The following TBL1XR1 variants were observed in gnomAD, a reference collection of about 807,000 sequenced individuals.
The protein encoded by TBL1XR1 is F-box-like/WD repeat-containing protein TBL1XR1.
TBL1XR1 carries 5 observed loss-of-function variants against 66.9 expected under a neutral mutation model. The ratio of observed to expected loss-of-function variants is 0.07; its 90% confidence interval spans 0.04 to 0.16. TBL1XR1 has a LOEUF of 0.16. Ranked by LOEUF, TBL1XR1 falls within the 10% of genes least tolerant of loss-of-function variation. TBL1XR1 has a pLI of 1.00. For synonymous variants in TBL1XR1, 210 were observed against 206.0 expected, an observed-to-expected ratio of 1.02 and a Z score of -0.17; for missense variants, 238 against 623.2, an observed-to-expected ratio of 0.38 and a Z score of 6.58.
chr3:177,146,996 GA>G (rs1342674580), intron 1 of TBL1XR1, among the ~76,000 whole-genome samples: 2 of 150,950 alleles, frequency 1.3e-5, no homozygotes, highest in Non-Finnish European at 2.9e-5. Flanking sequence ...TTCAGATCAT[GA>G]TTTTTTTAGA....
At chr3:177,043,682 TTTA>T (rs1715921052) in intron 10 of TBL1XR1, among the ~76,000 whole-genome samples, 1 of 152,204 alleles carries the variant, frequency 6.6e-6, no homozygotes, top group Non-Finnish European at 1.5e-5. Context: ...ATTTAGGCCA[TTTA>T]CACTTATTTT....
intron 1 of TBL1XR1, among the ~76,000 whole-genome samples, chr3:177,146,959 T>G (rs1730330035): frequency 6.6e-6 from 1 of 152,098 alleles, no homozygotes; most frequent in South Asian, 2.1e-4. Flanking sequence ...TCCCATTTCA[T>G]CACAAAGACC....
chr3:177,046,014 G>C (rs1386268494), intron 10 of TBL1XR1, 115 bp downstream of exon 10: 2 of 798,210 alleles, frequency 2.5e-6, no homozygotes, highest in African/African-American at 1.8e-5. Flanking sequence ...CAAAGGACTA[G>C]TAACAAGACT....
intron 14 of TBL1XR1, among the ~76,000 whole-genome samples, chr3:177,029,151 T>C (rs1288775172): frequency 2.0e-5 from 3 of 150,016 alleles, no homozygotes; most frequent in African/African-American, 7.3e-5. Context: ...AAAGGAAAGA[T>C]CTAGCCGGGC....
At position 177,127,494 on chromosome 3, in the gene TBL1XR1, G is replaced by C. The variant is rs185882310; in HGVS notation, c.-121-28953C>G. On this transcript the variant is annotated intron_variant, in intron 1 of 15. Coordinates refer to ENST00000457928, the MANE Select transcript of TBL1XR1 (RefSeq NM_024665.7). ...TAGCAGGTGCTCAAGAAACACTTTGGATTGCAATCATTGTTGTTACTTGCT... is the reference window on the plus strand; with the variant it reads ...TAGCAGGTGCTCAAGAAACACTTTGCATTGCAATCATTGTTGTTACTTGCT... 3.8e-3 allele frequency among the ~76,000 whole-genome samples: 581 copies of C among 152,098 alleles called. 1 individual carries two copies. Among genetic ancestry groups the C allele is most frequent in the African/African-American group, 0.013 (549 of 41,390 alleles).
At chr3:177,199,475 A>G (rs1038534542), upstream of TBL1XR1, among the ~76,000 whole-genome samples, 5 of 151,340 alleles carry the variant, frequency 3.3e-5, no homozygotes, top group South Asian at 2.1e-4. Context: ...TCAATGAAAC[A>G]TATCTATTGG....
Position 177,050,723 on chromosome 3 carries a change from T to C in TBL1XR1, c.428-113A>G, listed in dbSNP as rs1052199956. On this transcript the variant is annotated intron_variant, in intron 5 of 15. Transcript: ENST00000457928. ...CTTTATCGCACACAGTGTAACATTT[T>C]TCAATTATATCCAGTTAAGCTGAAC... 1.8e-5 allele frequency: 21 copies of C among 1,155,048 alleles called. No individual in the cohort carries two copies. The South Asian group carries it at 1.8e-4, about 10-fold the overall frequency. The allele number at this position is 1,155,048 out of a possible 1,614,324, so 71.5% of individuals were successfully genotyped here.
At chr3:177,170,580 T>C (rs1010761981) in intron 1 of TBL1XR1, among the ~76,000 whole-genome samples, 3 of 151,996 alleles carry the variant, frequency 2.0e-5, no homozygotes, top group Non-Finnish European at 4.4e-5. Flanking sequence ...TAGAATCGGG[T>C]GGGGAGAAAA....
chr3:177,199,894 C>T (rs541585273), upstream of TBL1XR1, among the ~76,000 whole-genome samples: 7 of 152,238 alleles, frequency 4.6e-5, no homozygotes, highest in South Asian at 1.5e-3. Flanking sequence ...AGGCTGGGGA[C>T]TTACAAATCC....
intron 1 of TBL1XR1, among the ~76,000 whole-genome samples, chr3:177,146,589 C>CA (rs78065426): frequency 0.037 from 1,942 of 51,944 alleles, 206 homozygotes; most frequent in Non-Finnish European, 0.049. Flanking sequence ...GACTCCATCT[C>CA]AAAAAAAAAA....
intron 1 of TBL1XR1, among the ~76,000 whole-genome samples, chr3:177,158,903 C>T (rs1048048637): frequency 2.6e-5 from 4 of 152,106 alleles, no homozygotes; most frequent in African/African-American, 9.7e-5. Context: ...AAACATCCAT[C>T]CTGCGGGCCA....
chr3:177,162,361 C>T (rs988017228), intron 1 of TBL1XR1, among the ~76,000 whole-genome samples: 1 of 152,168 alleles, frequency 6.6e-6, no homozygotes, highest in Non-Finnish European at 1.5e-5. Context: ...GAAGAATGGA[C>T]AAGGGAGCCT....
At chr3:177,071,602 T>A (rs370358499) in intron 2 of TBL1XR1, among the ~76,000 whole-genome samples, 5 of 151,366 alleles carry the variant, frequency 3.3e-5, no homozygotes, top group South Asian at 2.1e-4. Context: ...AGTATAGTTT[T>A]AAAAAAAAAC....
At chr3:177,139,050 T>A (rs1191362019) in intron 1 of TBL1XR1, among the ~76,000 whole-genome samples, 2 of 152,052 alleles carry the variant, frequency 1.3e-5, no homozygotes, top group South Asian at 4.1e-4. Context: ...GCACCAAAAA[T>A]TTGCCAAAAC....
intron 1 of TBL1XR1, among the ~76,000 whole-genome samples, chr3:177,162,232 T>C (rs778186433): frequency 6.6e-6 from 1 of 152,150 alleles, no homozygotes; most frequent in Non-Finnish European, 1.5e-5. Flanking sequence ...TGCGTGTGTA[T>C]CAATGAAAAA....
chr3:177,177,782 T>C (rs935652109), intron 1 of TBL1XR1, among the ~76,000 whole-genome samples: 4 of 152,144 alleles, frequency 2.6e-5, no homozygotes, highest in Non-Finnish European at 5.9e-5. Context: ...ATTACGAACC[T>C]GCTAGGTCCT....
At chr3:177,112,112 T>TATATA in intron 1 of TBL1XR1, among the ~76,000 whole-genome samples, 1 of 101,162 alleles carries the variant, frequency 9.9e-6, no homozygotes, top group African/African-American at 4.4e-5. Context: ...TATATATTTT[T>TATATA]TTTTTTTTTT....
chr3:177,143,852 T>G (rs1729924114), intron 1 of TBL1XR1, among the ~76,000 whole-genome samples: 1 of 152,174 alleles, frequency 6.6e-6, no homozygotes, highest in Non-Finnish European at 1.5e-5. Context: ...AAAACAACGC[T>G]TTGGGGAACA....
intron 1 of TBL1XR1, among the ~76,000 whole-genome samples, chr3:177,146,102 G>T (rs965630956): frequency 3.3e-5 from 5 of 152,130 alleles, no homozygotes; most frequent in Non-Finnish European, 5.9e-5. Context: ...TGACTACAAG[G>T]AAGAGCTGGT....
Sources: gnomAD v4.1 joint callset for allele counts (sites outside exome capture counted in the v4.1 genomes callset) on GRCh38, gnomAD v4.1.1 for gene constraint, MANE v1.5 for transcripts, NCBI Gene and HGNC (gene_info 2026-07-23, HGNC 2026-07-21) for gene names.